Variants in MCU observed in about 807,000 individuals in gnomAD.
MCU encodes the protein mitochondrial calcium uniporter, also known as calcium uniporter protein, mitochondrial.
A neutral mutation model predicts 45.2 loss-of-function variants in MCU; 12 were observed. That is an observed-to-expected ratio of 0.27 (90% CI 0.17 to 0.43). The LOEUF (loss-of-function observed/expected upper bound fraction) is 0.43, where lower values mean the gene tolerates loss of function less well. Ranked by LOEUF, MCU falls within the 20% of genes least tolerant of loss-of-function variation. The pLI is 1.00. For missense variants in MCU, 324 were observed against 436.7 expected, an observed-to-expected ratio of 0.74 and a Z score of 2.30; for synonymous variants, 160 against 165.1, an observed-to-expected ratio of 0.97 and a Z score of 0.24.
chr10:72,692,408 G>T (rs1417101496), intron 1 of MCU, 107 bp downstream of exon 1: 2 of 1,011,552 alleles, frequency 2.0e-6, no homozygotes, highest in East Asian at 1.3e-4. Flanking sequence ...CTCAACTCCC[G>T]GCCGCTCCGG....
At chr10:72,769,166 G>A (rs1246056552) in intron 1 of MCU, among the ~76,000 whole-genome samples, 2 of 152,050 alleles carry the variant, frequency 1.3e-5, no homozygotes, top group Non-Finnish European at 2.9e-5. Flanking sequence ...TTTTGGTCCT[G>A]GAACTTTCTT....
In MCU at chr10:72,887,298, G is replaced by T. The variant is rs552284316; in HGVS notation, c.*1476G>T. 1 of 152,872 alleles carries T rather than the reference G, an allele frequency of 6.5e-6. No homozygotes were observed. The highest frequency in any genetic ancestry group is 2.1e-4 in the South Asian group (1 of 4,826). 9.5% of individuals were successfully genotyped at this position (152,872 alleles called of 1,614,324 possible). A position where few individuals can be genotyped will look rare whatever the true frequency, so the allele number is the denominator to read the frequency against. ...CCTTGCAAAGGTTGAAGGCCAGCCA[G>T]GATTGCTGCTGCTGCTGCTACTCCT... On this transcript the variant is annotated 3_prime_UTR_variant, in exon 8 of 8. Coordinates refer to ENST00000373053, the MANE Select transcript of MCU (RefSeq NM_138357.3).
chr10:72,815,096 T>C (rs1844605316), intron 1 of MCU, among the ~76,000 whole-genome samples: 1 of 152,208 alleles, frequency 6.6e-6, no homozygotes, highest in Non-Finnish European at 1.5e-5. Context: ...ACAAAAGACA[T>C]CTATGCATGG....
chr10:72,825,953 G>A lies in MCU; in HGVS notation c.151-8406G>A, dbSNP rs114860894. The stretch of plus-strand genomic sequence containing the variant: ...TTTGAAACTCAACGCATTGGTTTCT[G>A]CTATGTCATGTTTCCTCTCTATGAG... On this transcript the variant is annotated intron_variant, in intron 1 of 7. Transcript: ENST00000373053. 8.5e-3 allele frequency among the ~76,000 whole-genome samples: 1,296 copies of A among 152,246 alleles called. 24 individuals carry two copies. Among genetic ancestry groups the A allele is most frequent in the African/African-American group, 0.029 (1,205 of 41,530 alleles).
intron 1 of MCU, among the ~76,000 whole-genome samples, chr10:72,745,265 G>T (rs1447974884): frequency 6.6e-6 from 1 of 151,522 alleles, no homozygotes; most frequent in Non-Finnish European, 1.5e-5. Context: ...TTTCACTCTT[G>T]TTGCCCAAGC....
At chr10:72,725,671 C>T (rs1461780929) in intron 1 of MCU, among the ~76,000 whole-genome samples, 1 of 94,450 alleles carries the variant, frequency 1.1e-5, no homozygotes, top group Non-Finnish European at 2.1e-5. Context: ...GGTGGATCAC[C>T]TAAGGTCAGT....
Position 72,696,385 on chromosome 10 carries a change from C to G in MCU, c.150+4084C>G, listed in dbSNP as rs981687853. 4.0e-5 allele frequency among the ~76,000 whole-genome samples: 6 copies of G among 151,740 alleles called. No homozygotes were observed. The South Asian group carries it at 1.0e-3, about 26-fold the overall frequency. Reference sequence around the variant, plus strand: ...AAATTCCTTTAAATGGAGACAGATTCAATAATTCCTAGCGTGAAGATGATA... The same window carrying G: ...AAATTCCTTTAAATGGAGACAGATTGAATAATTCCTAGCGTGAAGATGATA... On this transcript the variant is annotated intron_variant, in intron 1 of 7. Coordinates refer to ENST00000373053, the MANE Select transcript of MCU (RefSeq NM_138357.3).
At chr10:72,716,341 A>C (rs1365881536) in intron 1 of MCU, among the ~76,000 whole-genome samples, 1 of 152,226 alleles carries the variant, frequency 6.6e-6, no homozygotes, top group Non-Finnish European at 1.5e-5. Context: ...GAAAGTCAAG[A>C]CCTGTGTCAT....
chr10:72,709,669 TTTTG>T (rs1842865956), intron 1 of MCU, among the ~76,000 whole-genome samples: 1 of 152,048 alleles, frequency 6.6e-6, no homozygotes, highest in South Asian at 2.1e-4. Context: ...AATAGTTTGG[TTTTG>T]TTTATTTATT....
At chr10:72,871,322 G>T in intron 5 of MCU, 55 bp from the exon 6 acceptor site, 1 of 1,527,132 alleles carries the variant, frequency 6.5e-7, no homozygotes. Context: ...AACAGTTTAA[G>T]CCTTTTTAGA....
chr10:72,763,256 A>T (rs757880528), intron 1 of MCU, among the ~76,000 whole-genome samples: 1 of 152,194 alleles, frequency 6.6e-6, no homozygotes, highest in Non-Finnish European at 1.5e-5. Context: ...TTTGAGGATT[A>T]GGGCATGGAC....
At chr10:72,798,288 C>T (rs1844282667) in intron 1 of MCU, among the ~76,000 whole-genome samples, 1 of 152,140 alleles carries the variant, frequency 6.6e-6, no homozygotes. Flanking sequence ...AAGGTGCCCA[C>T]TATTTGTTTG....
intron 1 of MCU, among the ~76,000 whole-genome samples, chr10:72,751,759 T>C (rs1201073844): frequency 2.0e-5 from 3 of 152,116 alleles, no homozygotes; most frequent in African/African-American, 7.2e-5. Flanking sequence ...TGAGACATTG[T>C]TATTAATCCC....
intron 2 of MCU, among the ~76,000 whole-genome samples, chr10:72,847,820 G>A (rs1043901034): frequency 3.9e-5 from 6 of 152,098 alleles, no homozygotes; most frequent in African/African-American, 9.7e-5. Context: ...GACTGAGGCC[G>A]GAAGATCTGA....
At chr10:72,835,919 C>T (rs1039275341) in intron 2 of MCU, among the ~76,000 whole-genome samples, 14 of 152,116 alleles carry the variant, frequency 9.2e-5, no homozygotes, top group African/African-American at 3.4e-4. Flanking sequence ...GCCAGAGGAC[C>T]ATAATGCCAC....
intron 1 of MCU, among the ~76,000 whole-genome samples, chr10:72,741,098 CTTTT>C (rs11310286): frequency 5.6e-5 from 7 of 124,682 alleles, no homozygotes; most frequent in Admixed American, 1.6e-4. Context: ...TTTTCTTTTT[CTTTT>C]TTTTTTTTTT....
chr10:72,886,790 C>G lies in MCU; in HGVS notation c.*968C>G, dbSNP rs997735870. ...TTCCAGGCCAGCCAGATGGGACTGC[C>G]TTGTCTGGAGGCTTTGTTCATCTCG... On this transcript the variant is annotated 3_prime_UTR_variant, in exon 8 of 8. Coordinates refer to ENST00000373053, the MANE Select transcript of MCU (RefSeq NM_138357.3). 1.3e-5 allele frequency: 2 copies of G among 152,300 alleles called. No homozygotes were observed. Among genetic ancestry groups the G allele is most frequent in the Non-Finnish European group, 2.9e-5 (2 of 68,048 alleles). 9.4% of individuals were successfully genotyped at this position (152,300 alleles called of 1,614,324 possible). A position where few individuals can be genotyped will look rare whatever the true frequency, so the allele number is the denominator to read the frequency against.
intron 1 of MCU, among the ~76,000 whole-genome samples, chr10:72,823,323 T>C (rs1400848392): frequency 6.6e-6 from 1 of 152,156 alleles, no homozygotes; most frequent in Non-Finnish European, 1.5e-5. Context: ...GGTAGTGATG[T>C]TAGTAATGGA....
chr10:72,698,499 A>G (rs1002445746), intron 1 of MCU, among the ~76,000 whole-genome samples: 5 of 152,326 alleles, frequency 3.3e-5, no homozygotes, highest in East Asian at 3.9e-4. Context: ...AGCTGTTAGA[A>G]TAGAGGATTC....
Sources: allele counts gnomAD v4.1 joint callset (sites outside exome capture counted in the v4.1 genomes callset), GRCh38; gene constraint gnomAD v4.1.1; transcripts MANE v1.5; gene names NCBI Gene and HGNC (gene_info 2026-07-23, HGNC 2026-07-21).